Variants in VIPR1 observed in about 807,000 individuals in gnomAD.
The protein encoded by VIPR1 is vasoactive intestinal peptide receptor 1.
In VIPR1, 59 loss-of-function variants were observed where a neutral mutation model predicts 58.8. That is an observed-to-expected ratio of 1.00 (90% CI 0.81 to 1.25). VIPR1 has a LOEUF of 1.25. Among genes scored for constraint, VIPR1 ranks in the 50% most tolerant of loss-of-function variants. The pLI, the probability that VIPR1 is intolerant of heterozygous loss-of-function variation, is 0.00. For synonymous variants in VIPR1, 251 were observed against 242.1 expected (o/e 1.04, Z -0.34); for missense variants, 626 against 602.7 (o/e 1.04, Z -0.40).
chr3:42,527,989 A>G lies in VIPR1; in HGVS notation c.504-2A>G. 4 of 1,613,650 alleles carry G rather than the reference A, an allele frequency of 2.5e-6. No homozygotes were observed. Among genetic ancestry groups the G allele is most frequent in the Non-Finnish European group, 3.4e-6 (4 of 1,179,760 alleles). On this transcript the variant is annotated splice_acceptor_variant, in intron 5 of 12. Coordinates refer to ENST00000325123, the MANE Select transcript of VIPR1 (RefSeq NM_004624.4). LOFTEE classifies it high-confidence loss of function. ...CCTCCCAGATCTGCCCACCCCACAC[A>G]GGAAGCTCCACTGCACGCGGAACTA...
intron 2 of VIPR1, among the ~76,000 whole-genome samples, chr3:42,516,361 C>G (rs970369888): frequency 6.6e-6 from 1 of 152,176 alleles, no homozygotes; most frequent in African/African-American, 2.4e-5. Context: ...TGGCTGTCAC[C>G]CCGTCCCCTG....
rs571599735 is a variant in VIPR1, at chr3:42,528,163, C to T, written c.636+40C>T. 19 of 1,604,292 alleles carry T rather than the reference C, an allele frequency of 1.2e-5. No individual in the cohort carries two copies. The Middle Eastern group carries it at 5.6e-4, about 47-fold the overall frequency. On this transcript the variant is annotated intron_variant, in intron 6 of 12. Coordinates refer to ENST00000325123, the MANE Select transcript of VIPR1 (RefSeq NM_004624.4). ...CCTGGCCCACCTCCCTCAGTCTCGC[C>T]GTTATCTTTAACCACTGTAATCTCC...
intron 7 of VIPR1, chr3:42,531,222 G>C (rs1225335399): frequency 8.2e-6 from 5 of 612,158 alleles, no homozygotes; most frequent in African/African-American, 1.8e-5. Flanking sequence ...AATCTATAAA[G>C]GGCCTCTGTC....
intron 2 of VIPR1, among the ~76,000 whole-genome samples, chr3:42,518,600 G>T (rs542640016): frequency 6.6e-6 from 1 of 152,178 alleles, no homozygotes; most frequent in Non-Finnish European, 1.5e-5. Context: ...TTAGCCGGGC[G>T]TGGCGGCATG....
At chr3:42,521,976 G>A (rs1700945235) in intron 3 of VIPR1, among the ~76,000 whole-genome samples, 2 of 149,460 alleles carry the variant, frequency 1.3e-5, no homozygotes, top group East Asian at 4.0e-4. Context: ...TTGAACTCCT[G>A]ACCTCATGAT....
chr3:42,528,060 T>C lies in VIPR1; in HGVS notation c.573T>C (p.Ala191=), dbSNP rs751111646. 5 of 1,614,102 alleles carry C rather than the reference T, an allele frequency of 3.1e-6. No homozygotes were observed. The South Asian group carries it at 5.5e-5, about 18-fold the overall frequency. The change falls in exon 6 of 13, where the codon GCT becomes GCC. Residue 191 remains alanine, a synonymous_variant. Coordinates refer to ENST00000325123, the MANE Select transcript of VIPR1 (RefSeq NM_004624.4). The part of the protein sequence containing the change: ...LFISFILRAA[A]VFIKDLALFD... ...TATCCTTCATCCTGAGGGCTGCCGC[T>C]GTCTTCATCAAAGACTTGGCCCTCT... is the stretch of plus-strand genomic sequence containing the variant.
chr3:42,502,877 G>T, intron 1 of VIPR1, 64 bp downstream of exon 1: 1 of 1,164,642 alleles, frequency 8.6e-7, no homozygotes, highest in South Asian at 4.1e-5. Context: ...CGGGGGAGGT[G>T]GGGGATGGCG....
In VIPR1 at chr3:42,532,273, G is replaced by A. The variant is rs200704872; in HGVS notation, c.950G>A (p.Arg317Gln). ...VNFILFICII[R>Q]ILLQKLRPPD... ...TTCATCCTGTTTATTTGCATCATCC[G>A]AATCCTGCTTCAGAAACTGCGGCCC... Residue 317 changes from arginine (R) to glutamine (Q), a missense_variant, in exon 10 of 13, where the codon CGA (arginine) becomes CAA (glutamine). By Grantham distance (43) the Arg-to-Gln change is conservative. Coordinates refer to ENST00000325123, the MANE Select transcript of VIPR1 (RefSeq NM_004624.4). The A allele has an allele frequency of 5.3e-5, 85 of 1,614,068 alleles. No individual in the cohort carries two copies. In the Middle Eastern group the frequency reaches 8.2e-4, roughly 16 times the overall value.
chr3:42,491,772 G>A (rs6792636), intron 1 of VIPR1, among the ~76,000 whole-genome samples: 19,997 of 152,066 alleles, frequency 0.13, 2,450 homozygotes, highest in African/African-American at 0.32. Flanking sequence ...CTGGGCTTTC[G>A]CCATGTTGGC....
In VIPR1 at chr3:42,531,463, C is replaced by A. The variant is rs532874400; in HGVS notation, c.791-8C>A. 1 of 1,574,540 alleles carries A rather than the reference C, an allele frequency of 6.4e-7. No homozygotes were observed. The highest frequency in any genetic ancestry group is 1.8e-5 in the Admixed American group (1 of 54,340). ...TCTCTGCTCTTTCACTCTCCCTGGG[C>A]CTGACAGGGGTACCCAGCACATTCA... On this transcript the variant is annotated splice_region_variant and splice_polypyrimidine_tract_variant and intron_variant, in intron 7 of 12. Coordinates refer to ENST00000325123, the MANE Select transcript of VIPR1 (RefSeq NM_004624.4).
In VIPR1 at chr3:42,532,313, G is replaced by T; in HGVS notation, c.990G>T (p.Lys330Asn). 1.9e-6 allele frequency: 3 copies of T among 1,614,152 alleles called. No homozygotes were observed. The highest frequency in any genetic ancestry group is 3.3e-5 in the Admixed American group (2 of 60,016). Residue 330 changes from lysine to asparagine, a missense_variant, in exon 10 of 13, where the codon AAG becomes AAT. Lys to Asn is a moderately conservative substitution (Grantham distance 94). Coordinates refer to ENST00000325123, the MANE Select transcript of VIPR1 (RefSeq NM_004624.4). The part of the protein sequence containing the change: ...LQKLRPPDIR[K>N]SDSSPYSRLA... ...AACTGCGGCCCCCAGATATCAGGAA[G>T]AGTGACAGCAGTCCATACTCGTGAG...
chr3:42,515,896 G>T (rs1003696908), intron 2 of VIPR1, among the ~76,000 whole-genome samples: 3 of 152,202 alleles, frequency 2.0e-5, no homozygotes, highest in Non-Finnish European at 2.9e-5. Flanking sequence ...ATGTCTATCA[G>T]TGTGAATGTC....
At chr3:42,536,028 A>G in intron 12 of VIPR1, 62 bp from the exon 13 acceptor site, 1 of 1,497,942 alleles carries the variant, frequency 6.7e-7, no homozygotes, top group Non-Finnish European at 9.0e-7. Context: ...AGTCCAGGGC[A>G]GCCCAATCAG....
intron 5 of VIPR1, 24 bp downstream of exon 5, chr3:42,527,520 G>A (rs1294770520): frequency 6.2e-7 from 1 of 1,609,460 alleles, no homozygotes; most frequent in South Asian, 1.1e-5. Context: ...CAAGTCACAG[G>A]CCTCAAAGCA....
chr3:42,502,630 C>T (rs1287598516), upstream of VIPR1: 11 of 890,446 alleles, frequency 1.2e-5, no homozygotes, highest in African/African-American at 1.8e-5. Flanking sequence ...TCTGGGGCCA[C>T]AGCGCCAGCG....
Position 42,531,796 on chromosome 3 carries a change from T to C in VIPR1, c.852-7T>C. Reference sequence around the variant, plus strand: ...ATCCCTCTCATTCCTCCCCACGGTCTGCTCAGGTGCTGGGACACCATCAAC... The same window carrying C: ...ATCCCTCTCATTCCTCCCCACGGTCCGCTCAGGTGCTGGGACACCATCAAC... On this transcript the variant is annotated splice_region_variant and splice_polypyrimidine_tract_variant and intron_variant, in intron 8 of 12. Coordinates refer to ENST00000325123, the MANE Select transcript of VIPR1 (RefSeq NM_004624.4). 1.2e-6 allele frequency: 2 copies of C among 1,614,138 alleles called. No homozygotes were observed. Among genetic ancestry groups the C allele is most frequent in the Non-Finnish European group, 1.7e-6 (2 of 1,180,012 alleles).
intron 12 of VIPR1, among the ~76,000 whole-genome samples, chr3:42,535,615 A>T (rs1701802448): frequency 6.6e-6 from 1 of 152,208 alleles, no homozygotes; most frequent in African/African-American, 2.4e-5. Context: ...ATTTTAAAAA[A>T]CAAACAAACA....
At chr3:42,525,079 G>A (rs1376090545) in intron 3 of VIPR1, among the ~76,000 whole-genome samples, 2 of 151,990 alleles carry the variant, frequency 1.3e-5, no homozygotes, top group African/African-American at 2.4e-5. Flanking sequence ...ACTGAGATGG[G>A]GAAGCGTGAT....
At position 42,514,005 on chromosome 3, in the gene VIPR1, T is replaced by C. The variant is rs1186432468; in HGVS notation, c.184+151T>C. The C allele has an allele frequency of 4.6e-6, 4 of 869,974 alleles. No homozygotes were observed. In the Admixed American group the frequency reaches 7.8e-5, roughly 17 times the overall value. 53.9% of individuals were successfully genotyped at this position (869,974 alleles called of 1,614,324 possible). ...GAGCCAGATGGAAGAAGAAAGGGGC[T>C]AACAGGCTTCCACATTCCCACCCCA... On this transcript the variant is annotated intron_variant, in intron 2 of 12. Transcript: ENST00000325123.
Sources: gnomAD v4.1 joint callset for allele counts (sites outside exome capture counted in the v4.1 genomes callset) on GRCh38, gnomAD v4.1.1 for gene constraint, MANE v1.5 for transcripts, NCBI Gene and HGNC (gene_info 2026-07-23, HGNC 2026-07-21) for gene names.